Variants in MUC7 observed in about 807,000 individuals in gnomAD.
MUC7 encodes the protein mucin-7.
A neutral mutation model predicts 2.5 loss-of-function variants in MUC7; 2 were observed. The ratio of observed to expected loss-of-function variants is 0.81; its 90% CI spans 0.33 to 2.55. MUC7 has a LOEUF of 2.55. Ranked by LOEUF, MUC7 falls within the 30% of genes most tolerant of loss-of-function variation. The pLI, the probability that MUC7 is intolerant of heterozygous loss-of-function variation, is 0.11. For synonymous variants in MUC7, 133 were observed against 173.4 expected (o/e 0.77, Z 1.83); for missense variants, 408 against 455.6 (o/e 0.90, Z 0.95).
chr4:70,462,836 G>A (rs896632590), intron 1 of MUC7, among the ~76,000 whole-genome samples: 5 of 152,038 alleles, frequency 3.3e-5, no homozygotes, highest in African/African-American at 4.8e-5. Flanking sequence ...GCTTGGCATG[G>A]TGATACATGC....
chr4:70,435,726 G>T (rs1399928135), intron 1 of MUC7, among the ~76,000 whole-genome samples: 1 of 152,204 alleles, frequency 6.6e-6, no homozygotes, highest in Non-Finnish European at 1.5e-5. Flanking sequence ...TGTTATGTGT[G>T]AATTTGATCC....
At chr4:70,461,974 C>T (rs773666063) in intron 1 of MUC7, among the ~76,000 whole-genome samples, 6 of 152,170 alleles carry the variant, frequency 3.9e-5, no homozygotes, top group Non-Finnish European at 5.9e-5. Flanking sequence ...CACTTTGAGA[C>T]GCCAAGGCAG....
chr4:70,467,353 G>A (rs557344316), upstream of MUC7, among the ~76,000 whole-genome samples: 33 of 152,182 alleles, frequency 2.2e-4, 1 homozygote, highest in South Asian at 6.4e-3. Flanking sequence ...AAAAGAACTA[G>A]AGAAACAAGA....
Position 70,482,573 on chromosome 4 carries a change from C to T in MUC7, c.*695C>T, listed in dbSNP as rs1735231840. On this transcript the variant is annotated 3_prime_UTR_variant, in exon 3 of 3. Coordinates refer to ENST00000304887, the MANE Select transcript of MUC7 (RefSeq NM_152291.3). ...ATAATTGTTTAAACTGCAAGGTTGA[C>T]ATTTATTGTGTTGTGTCTAAGTTAA... 1 of 152,230 alleles carries T rather than the reference C, an allele frequency of 6.6e-6. No individual in the cohort carries two copies. Among genetic ancestry groups the T allele is most frequent in the Non-Finnish European group, 1.5e-5 (1 of 68,052 alleles). The allele number at this position is 152,230 out of a possible 1,614,324, so 9.4% of individuals were successfully genotyped here. A position where few individuals can be genotyped will look rare whatever the true frequency, so the allele number is the denominator to read the frequency against.
chr4:70,462,504 A>T (rs1304669699), intron 1 of MUC7, among the ~76,000 whole-genome samples: 1 of 152,260 alleles, frequency 6.6e-6, no homozygotes, highest in Non-Finnish European at 1.5e-5. Context: ...TATGAAGTAT[A>T]TGAAAGTACT....
At chr4:70,447,404 G>T (rs1734172803) in intron 1 of MUC7, among the ~76,000 whole-genome samples, 2 of 151,992 alleles carry the variant, frequency 1.3e-5, no homozygotes. Context: ...GAAGGAGGTA[G>T]CTTTATATCA....
chr4:70,481,581 G>T lies in MUC7; in HGVS notation c.837G>T (p.Glu279Asp). Residue 279 changes from glutamate (E) to aspartate (D), a missense_variant, in exon 3 of 3, where the codon GAG (glutamate) becomes GAT (aspartate). Glu to Asp is a conservative substitution (Grantham distance 45, BLOSUM62 2). Coordinates refer to ENST00000304887, the MANE Select transcript of MUC7 (RefSeq NM_152291.3). Reference protein sequence around the residue: ...LDPSSASAPPETTAAPPTPSA... With the variant: ...LDPSSASAPPDTTAAPPTPSA... ...CATCATCCGCCTCAGCTCCACCAGA[G>T]ACCACAGCTGCCCCACCCACACCTT... 6.2e-7 allele frequency: 1 copy of T among 1,600,410 alleles called. No homozygotes were observed. The highest frequency in any genetic ancestry group is 8.5e-7 in the Non-Finnish European group (1 of 1,175,386).
upstream of MUC7, chr4:70,472,111 A>C (rs191371932): frequency 4.6e-5 from 7 of 152,332 alleles, no homozygotes; most frequent in Admixed American, 2.6e-4. Context: ...CTTGACACAA[A>C]TGACCTTATC....
At chr4:70,463,992 G>C (rs561640210) in intron 1 of MUC7, among the ~76,000 whole-genome samples, 1 of 151,960 alleles carries the variant, frequency 6.6e-6, no homozygotes, top group Non-Finnish European at 1.5e-5. Context: ...CCAGTCTGCA[G>C]CTCCCAGTGA....
Position 70,481,737 on chromosome 4 carries a change from C to T in MUC7, c.993C>T (p.His331=), listed in dbSNP as rs1735201750. ...CTGAAACTTCAGCTGCACCCACACA[C>T]CAGACTACTACTTCGGTCACTACTC... is the stretch of plus-strand genomic sequence containing the variant. ...DTSETSAAPT[H]QTTTSVTTQT... The change falls in exon 3 of 3, where the codon CAC becomes CAT. Residue 331 remains histidine (H), a synonymous_variant. Transcript: ENST00000304887. The T allele has an allele frequency of 6.2e-7, 1 of 1,614,214 alleles. No homozygotes were observed. Among genetic ancestry groups the T allele is most frequent in the Non-Finnish European group, 8.5e-7 (1 of 1,180,036 alleles).
intron 2 of MUC7, among the ~76,000 whole-genome samples, chr4:70,474,856 G>A (rs773248461): frequency 6.6e-6 from 1 of 152,206 alleles, no homozygotes; most frequent in Non-Finnish European, 1.5e-5. Flanking sequence ...AGCTATGGCA[G>A]TGGTCCAGAT....
chr4:70,474,968 G>A (rs1413617606), intron 2 of MUC7, among the ~76,000 whole-genome samples: 1 of 152,110 alleles, frequency 6.6e-6, no homozygotes, highest in African/African-American at 2.4e-5. Flanking sequence ...CTGCTGGATT[G>A]TATATGTGGT....
At chr4:70,437,136 C>A (rs1457826858) in intron 1 of MUC7, among the ~76,000 whole-genome samples, 2 of 152,182 alleles carry the variant, frequency 1.3e-5, no homozygotes, top group African/African-American at 4.8e-5. Flanking sequence ...GAGATGTCTT[C>A]CAGTCAGGCT....
At chr4:70,456,484 G>A (rs1445968109) in intron 1 of MUC7, among the ~76,000 whole-genome samples, 2 of 152,128 alleles carry the variant, frequency 1.3e-5, no homozygotes, top group African/African-American at 4.8e-5. Context: ...GCAGGACTCA[G>A]GAAATTTACA....
chr4:70,442,432 C>T (rs1734031870), intron 1 of MUC7, among the ~76,000 whole-genome samples: 1 of 152,186 alleles, frequency 6.6e-6, no homozygotes, highest in East Asian at 1.9e-4. Flanking sequence ...CTGGCTCCTC[C>T]TCCCTCCCTC....
chr4:70,474,173 TTCCAAG>T, intron 2 of MUC7, 98 bp downstream of exon 2: 2 of 971,988 alleles, frequency 2.1e-6, no homozygotes, highest in Non-Finnish European at 3.2e-6. Flanking sequence ...CAACCCCTAT[TTCCAAG>T]AAGCTTGACA....
intron 1 of MUC7, among the ~76,000 whole-genome samples, chr4:70,466,130 T>C (rs898580322): frequency 2.0e-5 from 3 of 152,186 alleles, no homozygotes; most frequent in Non-Finnish European, 2.9e-5. Context: ...AAAGAATTTT[T>C]GACCCAGAAT....
upstream of MUC7, among the ~76,000 whole-genome samples, chr4:70,468,780 T>C (rs1052266904): frequency 6.6e-5 from 10 of 152,154 alleles, no homozygotes; most frequent in African/African-American, 2.4e-4. Context: ...TGGAAAAACA[T>C]TCCATGCTCA....
At chr4:70,447,864 A>G (rs1222431701) in intron 1 of MUC7, among the ~76,000 whole-genome samples, 2 of 152,154 alleles carry the variant, frequency 1.3e-5, no homozygotes, top group Admixed American at 6.6e-5. Flanking sequence ...CTGTAGCACT[A>G]GCACACAGTA....
Sources: allele counts gnomAD v4.1 joint callset (sites outside exome capture counted in the v4.1 genomes callset), GRCh38; gene constraint gnomAD v4.1.1; transcripts MANE v1.5; gene names NCBI Gene and HGNC (gene_info 2026-07-23, HGNC 2026-07-21).